Variants in ZNF510 observed in about 807,000 individuals in gnomAD.
ZNF510 encodes the protein zinc finger protein 510.
A neutral mutation model predicts 18.1 loss-of-function variants in ZNF510; 15 were observed. The ratio of observed to expected loss-of-function variants is 0.83; its 90% CI spans 0.55 to 1.28. The LOEUF (loss-of-function observed/expected upper bound fraction) is 1.28, where lower values mean the gene tolerates loss of function less well. Among genes scored for constraint, ZNF510 ranks in the 50% most tolerant of loss-of-function variants. The pLI is 0.00. For synonymous variants in ZNF510, 261 were observed against 266.4 expected, an observed-to-expected ratio of 0.98 and a Z score of 0.20; for missense variants, 724 against 791.8, an observed-to-expected ratio of 0.91 and a Z score of 1.03.
chr9:96,763,249 T>C lies in ZNF510; in HGVS notation c.257-36A>G, dbSNP rs763614832. 11 of 1,599,644 alleles carry C rather than the reference T, an allele frequency of 6.9e-6. No individual in the cohort carries two copies. The East Asian group carries it at 2.5e-4, about 36-fold the overall frequency. ...AACACAATCGAGGACTTAGACCAGA[T>C]ATATGAGATTTTAGTCTCCAAAAGT... is the stretch of plus-strand genomic sequence containing the variant. On this transcript the variant is annotated intron_variant, in intron 4 of 5. Coordinates refer to ENST00000223428, the MANE Select transcript of ZNF510 (RefSeq NM_014930.3).
chr9:96,771,167 T>G (rs1414676157), intron 3 of ZNF510, among the ~76,000 whole-genome samples: 2 of 152,142 alleles, frequency 1.3e-5, no homozygotes, highest in Admixed American at 1.3e-4. Flanking sequence ...AAACGTGACA[T>G]GACATGACAG....
chr9:96,766,209 A>G (rs1849468076), intron 3 of ZNF510, among the ~76,000 whole-genome samples: 1 of 152,208 alleles, frequency 6.6e-6, no homozygotes, highest in Non-Finnish European at 1.5e-5. Context: ...ATCAATCTAC[A>G]ATTTTAATTA....
intron 5 of ZNF510, among the ~76,000 whole-genome samples, chr9:96,762,390 T>C (rs1849369566): frequency 6.6e-6 from 1 of 151,328 alleles, no homozygotes; most frequent in Non-Finnish European, 1.5e-5. Flanking sequence ...GTGCCTGTAC[T>C]GCCAGCTACT....
chr9:96,767,656 A>G (rs1389922643), intron 3 of ZNF510, among the ~76,000 whole-genome samples: 4 of 152,208 alleles, frequency 2.6e-5, no homozygotes, highest in Admixed American at 2.6e-4. Flanking sequence ...GAAACACACA[A>G]ACCACCAAAA....
rs761097639 is a variant in ZNF510, at chr9:96,759,562, T to C, written c.1268A>G (p.Gln423Arg). ...FCQKGHLIQH[Q>R]RTHTGEKPFE... ...TGGTTTCTCTCCTGTGTGAGTTCTC[T>C]GATGTTGAATGAGATGTCCTTTCTG... Residue 423 changes from glutamine (Q) to arginine (R), a missense_variant, in exon 6 of 6, where the codon CAG becomes CGG. Gln to Arg is a conservative substitution (Grantham distance 43). Transcript: ENST00000223428. The C allele has an allele frequency of 6.2e-7, 1 of 1,614,052 alleles. No homozygotes were observed. Among genetic ancestry groups the C allele is most frequent in the Non-Finnish European group, 8.5e-7 (1 of 1,180,018 alleles).
At chr9:96,762,964 A>T (rs938205850) in intron 5 of ZNF510, 154 bp downstream of exon 5, 10 of 609,746 alleles carry the variant, frequency 1.6e-5, no homozygotes, top group African/African-American at 1.3e-4. Flanking sequence ...CTTTTAATGG[A>T]ATCAACTTTA....
At chr9:96,777,510 TA>T (rs1849728117) in intron 1 of ZNF510, 2 of 152,184 alleles carry the variant, frequency 1.3e-5, no homozygotes, top group African/African-American at 4.8e-5. Flanking sequence ...CTTCCAAATA[TA>T]ACGGGAATCA....
In ZNF510 at chr9:96,760,134, C is replaced by T. The variant is rs754171388; in HGVS notation, c.696G>A (p.Met232Ile). ...GEKFYEHNKNMKALNYNENLP... is the reference protein window; with the variant it reads ...GEKFYEHNKNIKALNYNENLP... ...GATTTTCATTATAATTGAGAGCTTT[C>T]ATGTTTTTATTATGTTCATAAAATT... The change falls in exon 6 of 6, where the codon ATG (methionine) becomes ATA (isoleucine). Residue 232 changes from methionine to isoleucine, a missense_variant. Physicochemically the swap from Met to Ile is conservative, Grantham distance 10. Transcript: ENST00000223428. 8 of 1,610,096 alleles carry T rather than the reference C, an allele frequency of 5.0e-6. No individual in the cohort carries two copies. In the East Asian group the frequency reaches 1.1e-4, roughly 22 times the overall value.
intron 4 of ZNF510, 22 bp downstream of exon 4, chr9:96,763,478 CAAGGGT>C (rs1564436622): frequency 1.3e-6 from 2 of 1,579,240 alleles, no homozygotes; most frequent in Admixed American, 3.9e-5. Context: ...TATGGAGTTA[CAAGGGT>C]AAGTTATGTT....
In ZNF510 at chr9:96,758,843, T is replaced by G; in HGVS notation, c.1987A>C (p.Lys663Gln). Residue 663 changes from lysine (K) to glutamine (Q), a missense_variant, in exon 6 of 6, where the codon AAA becomes CAA. Physicochemically the swap from Lys to Gln is moderately conservative, Grantham distance 53. Transcript: ENST00000223428. Reference protein sequence around the residue: ...EKSYECNEYGKLCKKSTLSLY... With the variant: ...EKSYECNEYGQLCKKSTLSLY... ...CTTAGGGTAGACTTCTTACATAATT[T>G]CCCATATTCATTGCATTCATAAGAT... 1.2e-6 allele frequency: 2 copies of G among 1,613,182 alleles called. No homozygotes were observed. Among genetic ancestry groups the G allele is most frequent in the Non-Finnish European group, 1.7e-6 (2 of 1,179,444 alleles).
At chr9:96,775,487 A>G (rs10978924) in intron 2 of ZNF510, among the ~76,000 whole-genome samples, 5,696 of 152,300 alleles carry the variant, frequency 0.037, 356 homozygotes, top group African/African-American at 0.13. Flanking sequence ...TTACACCAAT[A>G]GAAAACACAA....
In ZNF510 at chr9:96,763,545, C is replaced by A. The variant is rs1316067522; in HGVS notation, c.217G>T (p.Asp73Tyr). The change falls in exon 4 of 6, where the codon GAT becomes TAT. Residue 73 changes from aspartate to tyrosine, a missense_variant. Transcript: ENST00000223428. ...MAPVQKNLYR[D>Y]VMLENYSNLV... Reference sequence around the variant, plus strand: ...TTGCTGTAGTTCTCCAGCATCACATCTCTGTACAGATTCTTCTGAACAGGG... The same window carrying A: ...TTGCTGTAGTTCTCCAGCATCACATATCTGTACAGATTCTTCTGAACAGGG... 6.2e-7 allele frequency: 1 copy of A among 1,612,934 alleles called. No homozygotes were observed. The highest frequency in any genetic ancestry group is 2.2e-5 in the East Asian group (1 of 44,870).
Position 96,763,499 on chromosome 9 carries a change from T to C in ZNF510, c.256+7A>G. The C allele has an allele frequency of 1.2e-6, 2 of 1,603,602 alleles. No individual in the cohort carries two copies. Among genetic ancestry groups the C allele is most frequent in the South Asian group, 1.1e-5 (1 of 88,884 alleles). On this transcript the variant is annotated splice_region_variant and intron_variant, in intron 4 of 5. Transcript: ENST00000223428. The stretch of plus-strand genomic sequence containing the variant: ...GTTACAAGGGTAAGTTATGTTTACA[T>C]GCTTACCCACTGAGACGAGGTTGCT...
rs1400332976 is a variant in ZNF510, at chr9:96,758,762, T to C, written c.*16A>G. The C allele has an allele frequency of 1.3e-6, 2 of 1,534,768 alleles. No individual in the cohort carries two copies. The highest frequency in any genetic ancestry group is 1.7e-6 in the Non-Finnish European group (2 of 1,144,616). ...TGGGGTATTCCTTTTGTCAAAAGGA[T>C]TTTCTAGTTATTACATCAATAGGGA... On this transcript the variant is annotated 3_prime_UTR_variant, in exon 6 of 6. Transcript: ENST00000223428.
At position 96,757,747 on chromosome 9, in the gene ZNF510, A is replaced by T. The variant is rs2117896691; in HGVS notation, c.*1031T>A. 6.6e-6 allele frequency: 1 copy of T among 152,024 alleles called. No homozygotes were observed. Among genetic ancestry groups the T allele is most frequent in the South Asian group, 2.1e-4 (1 of 4,824 alleles). 9.4% of individuals were successfully genotyped at this position (152,024 alleles called of 1,614,324 possible). A position where few individuals can be genotyped will look rare whatever the true frequency, so the allele number is the denominator to read the frequency against. ...GATAGTTTAATCTCTTGCTGTGCCT[A>T]ATTTATAAATTAAGGACTAATAATG... is the stretch of plus-strand genomic sequence containing the variant. On this transcript the variant is annotated 3_prime_UTR_variant, in exon 6 of 6. Transcript: ENST00000223428.
intron 3 of ZNF510, among the ~76,000 whole-genome samples, chr9:96,774,448 G>A (rs1439291351): frequency 6.6e-6 from 1 of 152,174 alleles, no homozygotes; most frequent in Non-Finnish European, 1.5e-5. Flanking sequence ...GACACATGAA[G>A]ACCAACAAAG....
intron 3 of ZNF510, among the ~76,000 whole-genome samples, chr9:96,773,881 T>TGACA (rs1849635115): frequency 6.6e-6 from 1 of 152,214 alleles, no homozygotes; most frequent in Non-Finnish European, 1.5e-5. Flanking sequence ...CGGCCCCTGT[T>TGACA]GACATCTTGA....
intron 3 of ZNF510, among the ~76,000 whole-genome samples, chr9:96,767,507 C>T (rs1849500243): frequency 6.6e-6 from 1 of 152,024 alleles, no homozygotes; most frequent in Non-Finnish European, 1.5e-5. Flanking sequence ...AAATCAGTAT[C>T]CTAATTGTAT....
chr9:96,763,429 G>A (rs1588127619), intron 4 of ZNF510, 77 bp downstream of exon 4: 8 of 1,486,732 alleles, frequency 5.4e-6, no homozygotes, highest in Non-Finnish European at 7.3e-6. Flanking sequence ...TAAGTAAATT[G>A]TTCACATGTA....
Sources: allele counts gnomAD v4.1 joint callset (sites outside exome capture counted in the v4.1 genomes callset), GRCh38; gene constraint gnomAD v4.1.1; transcripts MANE v1.5; gene names NCBI Gene and HGNC (gene_info 2026-07-23, HGNC 2026-07-21).